CNTNAP2: variants seen among roughly 807,000 people sequenced by gnomAD.
The protein encoded by CNTNAP2 is contactin associated protein 2, also known as contactin-associated protein-like 2.
A neutral mutation model predicts 155.2 loss-of-function variants in CNTNAP2; 98 were observed. The observed-to-expected ratio is 0.63, with a 90% CI of 0.54 to 0.75. CNTNAP2 has a LOEUF of 0.75. CNTNAP2 is among the 30% of genes least tolerant of loss of function. The pLI is 0.00. For missense variants in CNTNAP2, 1,727 were observed against 1,688.1 expected (o/e 1.02, Z -0.40); for synonymous variants, 651 against 631.2 (o/e 1.03, Z -0.47).
chr7:146,659,809 T>C (rs61544164), intron 1 of CNTNAP2, among the ~76,000 whole-genome samples: 4,404 of 152,302 alleles, frequency 0.029, 221 homozygotes, highest in African/African-American at 0.1. Context: ...CTTATAAATA[T>C]CCATCAGTGC....
intron 15 of CNTNAP2, among the ~76,000 whole-genome samples, chr7:148,034,553 T>C (rs2710153): frequency 0.35 from 53,964 of 152,032 alleles, 10,292 homozygotes; most frequent in East Asian, 0.75. Flanking sequence ...AGCACCTTGA[T>C]CTTGAACTTC....
chr7:147,165,602 A>G (rs1802099959), intron 8 of CNTNAP2, among the ~76,000 whole-genome samples: 1 of 152,108 alleles, frequency 6.6e-6, no homozygotes, highest in African/African-American at 2.4e-5. Context: ...TATCTTATAG[A>G]ATTTTTATAG....
At chr7:146,475,011 G>GCACACA (rs535358520) in intron 1 of CNTNAP2, among the ~76,000 whole-genome samples, 91 of 134,764 alleles carry the variant, frequency 6.8e-4, no homozygotes, top group African/African-American at 1.9e-3. Context: ...GCGCGCGCGC[G>GCACACA]CGCACACACA....
intron 3 of CNTNAP2, among the ~76,000 whole-genome samples, chr7:146,884,450 C>T (rs1795616697): frequency 6.6e-6 from 1 of 152,020 alleles, no homozygotes; most frequent in Non-Finnish European, 1.5e-5. Flanking sequence ...ACAGCTCCTT[C>T]TCTTCTTGGG....
intron 1 of CNTNAP2, among the ~76,000 whole-genome samples, chr7:146,491,137 G>A (rs1469654855): frequency 6.6e-6 from 1 of 151,958 alleles, no homozygotes; most frequent in Non-Finnish European, 1.5e-5. Flanking sequence ...CCAAAGATGA[G>A]AAATTATAAG....
chr7:147,483,085 A>T (rs1798451756), intron 10 of CNTNAP2, among the ~76,000 whole-genome samples: 1 of 151,918 alleles, frequency 6.6e-6, no homozygotes, highest in Non-Finnish European at 1.5e-5. Context: ...AAGAATTATA[A>T]GAAAGAAAAA....
intron 1 of CNTNAP2, among the ~76,000 whole-genome samples, chr7:146,150,448 A>G (rs150755573): frequency 8.5e-5 from 13 of 152,288 alleles, no homozygotes; most frequent in Non-Finnish European, 1.8e-4. Context: ...ACTTGTAAAA[A>G]TATGTTTTTA....
At chr7:146,589,326 A>G (rs1036415876) in intron 1 of CNTNAP2, among the ~76,000 whole-genome samples, 2 of 152,192 alleles carry the variant, frequency 1.3e-5, no homozygotes, top group African/African-American at 4.8e-5. Flanking sequence ...ACTATTCACA[A>G]TAGCAAAGAC....
intron 1 of CNTNAP2, among the ~76,000 whole-genome samples, chr7:146,679,821 A>T (rs1039803271): frequency 6.6e-6 from 1 of 151,890 alleles, no homozygotes; most frequent in Admixed American, 6.6e-5. Context: ...ACTTCAATTG[A>T]TGGGACTTTT....
At chr7:147,129,638 T>C (rs1157716278) in intron 7 of CNTNAP2, among the ~76,000 whole-genome samples, 2 of 152,160 alleles carry the variant, frequency 1.3e-5, no homozygotes, top group East Asian at 3.9e-4. Context: ...AATAAGAAGA[T>C]ATTATGCACT....
chr7:147,807,461 C>T (rs992496856), intron 13 of CNTNAP2, among the ~76,000 whole-genome samples: 16 of 151,476 alleles, frequency 1.1e-4, no homozygotes, highest in African/African-American at 3.9e-4. Flanking sequence ...TGCATGTGTC[C>T]CATATATATG....
chr7:148,021,057 T>C lies in CNTNAP2; in HGVS notation c.2383+43068T>C, dbSNP rs117737451. Among the ~76,000 whole-genome samples, 92 of 152,310 alleles carry C rather than the reference T, an allele frequency of 6.0e-4. No homozygotes were observed. The East Asian group carries it at 0.016, about 27-fold the overall frequency. On this transcript the variant is annotated intron_variant, in intron 15 of 23. Transcript: ENST00000361727. ...CATCATATTTTCATTAGCACCTGTT[T>C]TGTTTTTTCACCTTCTGTAGACTGT...
chr7:147,160,914 T>G (rs751126387), intron 8 of CNTNAP2, among the ~76,000 whole-genome samples: 1 of 152,154 alleles, frequency 6.6e-6, no homozygotes, highest in African/African-American at 2.4e-5. Flanking sequence ...AAAGACTTTT[T>G]CTTGCTTACT....
Position 148,208,691 on chromosome 7 carries a change from C to T in CNTNAP2, c.3011-8597C>T, listed in dbSNP as rs1795494750. On this transcript the variant is annotated intron_variant, in intron 18 of 23. Coordinates refer to ENST00000361727, the MANE Select transcript of CNTNAP2 (RefSeq NM_014141.6). Reference sequence around the variant, plus strand: ...TCACTTCAGTGAATGGAGTTCAGGCCAAAATCAATGATTAGGAAGTGAAAA... The same window carrying T: ...TCACTTCAGTGAATGGAGTTCAGGCTAAAATCAATGATTAGGAAGTGAAAA... 1.3e-5 allele frequency among the ~76,000 whole-genome samples: 2 copies of T among 152,030 alleles called. 1 individual carries two copies. The highest frequency in any genetic ancestry group is 4.1e-4 in the South Asian group (2 of 4,832).
chr7:147,627,910 T>A (rs1311024571), intron 12 of CNTNAP2, among the ~76,000 whole-genome samples: 1 of 148,396 alleles, frequency 6.7e-6, no homozygotes, highest in Non-Finnish European at 1.5e-5. Context: ...GGCTTTCAAA[T>A]TAAGCCAATC....
chr7:147,907,519 C>G (rs768625437), intron 14 of CNTNAP2, among the ~76,000 whole-genome samples: 11 of 152,076 alleles, frequency 7.2e-5, no homozygotes, highest in Non-Finnish European at 1.6e-4. Flanking sequence ...GATGGGGTTG[C>G]TTCTAGAGAC....
intron 1 of CNTNAP2, among the ~76,000 whole-genome samples, chr7:146,275,318 A>T (rs549644220): frequency 6.6e-5 from 10 of 152,336 alleles, no homozygotes; most frequent in African/African-American, 2.4e-4. Context: ...TAACTTAACA[A>T]GACTATAGTG....
chr7:147,781,442 G>A (rs1242094966), intron 13 of CNTNAP2, among the ~76,000 whole-genome samples: 1 of 152,162 alleles, frequency 6.6e-6, no homozygotes. Flanking sequence ...CAGTGGACAT[G>A]GCTAGAGCTT....
In CNTNAP2 at chr7:147,313,970, G is replaced by A. The variant is rs527362384; in HGVS notation, c.1498+13680G>A. Among the ~76,000 whole-genome samples the A allele has an allele frequency of 7.9e-3, 1,204 of 151,796 alleles. 20 individuals carry two copies. The highest frequency in any genetic ancestry group is 0.028 in the African/African-American group (1,143 of 41,352). On this transcript the variant is annotated intron_variant, in intron 9 of 23. Transcript: ENST00000361727. ...GGGGTTTGTAGTTCTCCTTGAAGAG[G>A]TCCTTCACGTCCCTTGTAAGTTGGA...
Sources: allele counts gnomAD v4.1 joint callset (sites outside exome capture counted in the v4.1 genomes callset), GRCh38; gene constraint gnomAD v4.1.1; transcripts MANE v1.5; gene names NCBI Gene and HGNC (gene_info 2026-07-23, HGNC 2026-07-21).